Variants in PNPLA8 observed in about 807,000 individuals in gnomAD.
The protein encoded by PNPLA8 is calcium-independent phospholipase A2-gamma.
A neutral mutation model predicts 76.9 loss-of-function variants in PNPLA8; 39 were observed. That is an observed-to-expected ratio of 0.51 (90% CI 0.39 to 0.66). The LOEUF is 0.66. Among genes scored for constraint, PNPLA8 ranks in the 30% least tolerant of loss-of-function variants. PNPLA8 has a pLI of 0.00. For synonymous variants in PNPLA8, 301 were observed against 307.9 expected (o/e 0.98, Z 0.24); for missense variants, 887 against 918.0 (o/e 0.97, Z 0.44).
chr7:108,506,326 C>T (rs573551227), intron 4 of PNPLA8, among the ~76,000 whole-genome samples: 50 of 151,956 alleles, frequency 3.3e-4, no homozygotes, highest in African/African-American at 1.0e-3. Flanking sequence ...TGCAGCAAGC[C>T]GAGATCGCAC....
In PNPLA8 at chr7:108,515,304, T is replaced by C. The variant is rs1320047829; in HGVS notation, c.188A>G (p.Glu63Gly). The change falls in exon 3 of 11, where the codon GAA (glutamate) becomes GGA (glycine). Residue 63 changes from glutamate (E) to glycine (G), a missense_variant. Coordinates refer to ENST00000257694, the MANE Select transcript of PNPLA8 (RefSeq NM_001256007.3). ...ACAGTGCTTACTGCAAGAATGTGCT[T>C]CACTTTTGGTCCATTTACATCTTAT... ...NIIRCKWTKS[E>G]AHSCSKHCYS... 1.2e-6 allele frequency: 2 copies of C among 1,611,446 alleles called. No homozygotes were observed. The highest frequency in any genetic ancestry group is 3.4e-5 in the Admixed American group (2 of 59,102).
intron 4 of PNPLA8, among the ~76,000 whole-genome samples, chr7:108,507,362 A>G (rs1862526715): frequency 6.6e-6 from 1 of 150,788 alleles, no homozygotes. Flanking sequence ...AAAAAAAAAA[A>G]AAAAGAAACA....
chr7:108,474,250 A>C (rs1297664591), intron 10 of PNPLA8, among the ~76,000 whole-genome samples: 1 of 152,152 alleles, frequency 6.6e-6, no homozygotes, highest in Non-Finnish European at 1.5e-5. Flanking sequence ...AAGGTCATTA[A>C]GATTTTCTCC....
chr7:108,527,952 A>G (rs1210996513), upstream of PNPLA8: 1 of 152,204 alleles, frequency 6.6e-6, no homozygotes, highest in Non-Finnish European at 1.5e-5. Context: ...GTCAGATGTT[A>G]TTAAATATCC....
At chr7:108,485,695 T>A (rs774840823) in intron 9 of PNPLA8, among the ~76,000 whole-genome samples, 1 of 152,136 alleles carries the variant, frequency 6.6e-6, no homozygotes, top group Non-Finnish European at 1.5e-5. Context: ...CATTCACACC[T>A]TAAAATATTC....
chr7:108,482,227 T>C (rs769668377), intron 9 of PNPLA8, among the ~76,000 whole-genome samples: 12 of 152,156 alleles, frequency 7.9e-5, no homozygotes, highest in Non-Finnish European at 1.6e-4. Context: ...TCCCAGTACT[T>C]TGGGGAGCTG....
At chr7:108,476,307 A>C (rs972553639) in intron 10 of PNPLA8, among the ~76,000 whole-genome samples, 1 of 152,230 alleles carries the variant, frequency 6.6e-6, no homozygotes, top group Non-Finnish European at 1.5e-5. Context: ...AGCCCATTAC[A>C]TGGTTTGCAC....
chr7:108,479,091 C>G (rs1860201651), intron 10 of PNPLA8, 93 bp downstream of exon 10: 4 of 772,000 alleles, frequency 5.2e-6, no homozygotes, highest in South Asian at 1.6e-5. Context: ...ACAGACATAT[C>G]ATATGCCTTT....
In PNPLA8 at chr7:108,522,123, G is replaced by T. The variant is rs371172789; in HGVS notation, c.-129-602C>A. Among the ~76,000 whole-genome samples, 13 of 151,298 alleles carry T rather than the reference G, an allele frequency of 8.6e-5. No homozygotes were observed. In the South Asian group the frequency reaches 2.7e-3, roughly 32 times the overall value. On this transcript the variant is annotated intron_variant, in intron 1 of 10. Transcript: ENST00000257694. Reference sequence around the variant, plus strand: ...AGCCTGGCCAATATGGTGAAACCCCGTCTCTACTAAAAATACAAAAATTAG... The same window carrying T: ...AGCCTGGCCAATATGGTGAAACCCCTTCTCTACTAAAAATACAAAAATTAG...
At chr7:108,526,516 C>T (rs112116352), upstream of PNPLA8, among the ~76,000 whole-genome samples, 210 of 152,330 alleles carry the variant, frequency 1.4e-3, 2 homozygotes, top group African/African-American at 4.9e-3. Context: ...CCGCTATTCC[C>T]TTTCAGCAGA....
chr7:108,516,836 A>G (rs1054314407), intron 2 of PNPLA8, among the ~76,000 whole-genome samples: 1 of 152,066 alleles, frequency 6.6e-6, no homozygotes, highest in Non-Finnish European at 1.5e-5. Flanking sequence ...CAGGAGGCAG[A>G]GGTTACAGCG....
At chr7:108,496,990 A>G (rs906018966) in intron 6 of PNPLA8, among the ~76,000 whole-genome samples, 5 of 152,150 alleles carry the variant, frequency 3.3e-5, no homozygotes, top group Non-Finnish European at 7.4e-5. Context: ...GGGATTTACC[A>G]GGTCTCAAAA....
chr7:108,502,672 T>G, intron 4 of PNPLA8, 30 bp from the exon 5 acceptor site: 2 of 1,558,170 alleles, frequency 1.3e-6, no homozygotes, highest in Non-Finnish European at 1.8e-6. Context: ...ACTTTGTTGC[T>G]TTTGTCAAAT....
intron 6 of PNPLA8, 51 bp from the exon 7 acceptor site, chr7:108,496,806 G>A (rs1861582544): frequency 7.4e-7 from 1 of 1,347,474 alleles, no homozygotes; most frequent in African/African-American, 2.4e-5. Context: ...TAGCCCTTAT[G>A]ATGTAAGATT....
chr7:108,484,189 T>C (rs958501391), intron 9 of PNPLA8, among the ~76,000 whole-genome samples: 13 of 152,208 alleles, frequency 8.5e-5, no homozygotes, highest in African/African-American at 3.1e-4. Context: ...AGCAAATTTC[T>C]GTTCCTTCAA....
chr7:108,486,084 A>T (rs1257488185), intron 9 of PNPLA8, among the ~76,000 whole-genome samples: 2 of 152,110 alleles, frequency 1.3e-5, no homozygotes, highest in Admixed American at 1.3e-4. Flanking sequence ...ATGGAAAAGG[A>T]ACCACTGAAT....
At position 108,493,918 on chromosome 7, in the gene PNPLA8, A is replaced by C. The variant is rs113002730; in HGVS notation, c.1626-2451T>G. Among the ~76,000 whole-genome samples, 1,442 of 152,250 alleles carry C rather than the reference A, an allele frequency of 9.5e-3. 22 individuals are homozygous for C. The highest frequency in any genetic ancestry group is 0.033 in the African/African-American group (1,358 of 41,562). On this transcript the variant is annotated intron_variant, in intron 7 of 10. Transcript: ENST00000257694. ...ATATTATGCCAAGGTTCAACAACTA[A>C]ATCTACAGAATTTGTACGAAAATAA... is the stretch of plus-strand genomic sequence containing the variant.
At chr7:108,511,488 C>G (rs943568527) in intron 4 of PNPLA8, among the ~76,000 whole-genome samples, 1 of 152,100 alleles carries the variant, frequency 6.6e-6, no homozygotes, top group East Asian at 1.9e-4. Context: ...TATTTAAATT[C>G]CAGTGTTCAG....
chr7:108,471,522 T>A lies in PNPLA8; in HGVS notation c.*879A>T, dbSNP rs1313574640. On this transcript the variant is annotated 3_prime_UTR_variant, in exon 11 of 11. Transcript: ENST00000257694. The stretch of plus-strand genomic sequence containing the variant: ...GAGCTACTGCGCCAGGCAACTAACT[T>A]CTTATTTTTAAGCATACTGCTGCCA... 6.6e-6 allele frequency: 1 copy of A among 152,172 alleles called. No individual in the cohort carries two copies. Among genetic ancestry groups the A allele is most frequent in the Non-Finnish European group, 1.5e-5 (1 of 68,036 alleles). The allele number at this position is 152,172 out of a possible 1,614,324, so 9.4% of individuals were successfully genotyped here.
Sources: gnomAD v4.1 joint callset for allele counts (sites outside exome capture counted in the v4.1 genomes callset) on GRCh38, gnomAD v4.1.1 for gene constraint, MANE v1.5 for transcripts, NCBI Gene and HGNC (gene_info 2026-07-23, HGNC 2026-07-21) for gene names.